SYT6: variants seen among roughly 807,000 people sequenced by gnomAD.
SYT6 encodes the protein synaptotagmin-6.
In SYT6, 24 loss-of-function variants were observed where a neutral mutation model predicts 38.4. That is an observed-to-expected ratio of 0.62 (90% confidence interval 0.45 to 0.88). The LOEUF (loss-of-function observed/expected upper bound fraction) is 0.88, where lower values mean the gene tolerates loss of function less well. SYT6 is among the 40% of genes least tolerant of loss of function. The pLI, the probability that SYT6 is intolerant of heterozygous loss-of-function variation, is 0.00. For missense variants in SYT6, 611 were observed against 621.0 expected (o/e 0.98, Z 0.17); for synonymous variants, 265 against 241.9 (o/e 1.10, Z -0.89).
chr1:114,133,246 C>A (rs917980450), intron 3 of SYT6, among the ~76,000 whole-genome samples: 1 of 152,128 alleles, frequency 6.6e-6, no homozygotes, highest in Non-Finnish European at 1.5e-5. Flanking sequence ...AGGAAGATGG[C>A]CGAATCCATT....
chr1:114,138,538 C>T (rs1034648988), intron 2 of SYT6, among the ~76,000 whole-genome samples: 2 of 152,122 alleles, frequency 1.3e-5, no homozygotes, highest in Non-Finnish European at 2.9e-5. Context: ...TTGGAGTTAG[C>T]CTGCATAGGT....
At chr1:114,109,241 T>C (rs1445219202) in intron 3 of SYT6, among the ~76,000 whole-genome samples, 1 of 152,196 alleles carries the variant, frequency 6.6e-6, no homozygotes, top group Non-Finnish European at 1.5e-5. Context: ...GGGGACTACA[T>C]GATGAATGCC....
At chr1:114,144,804 G>A (rs1679072473) in intron 1 of SYT6, among the ~76,000 whole-genome samples, 1 of 152,098 alleles carries the variant, frequency 6.6e-6, no homozygotes, top group Admixed American at 6.5e-5. Context: ...GAGGATATCA[G>A]CCACTCTCTC....
intron 1 of SYT6, among the ~76,000 whole-genome samples, chr1:114,143,021 C>T (rs1678945957): frequency 6.6e-6 from 1 of 151,666 alleles, no homozygotes; most frequent in Non-Finnish European, 1.5e-5. Context: ...TCTGATGGAT[C>T]TGGGCAAAGT....
intron 1 of SYT6, among the ~76,000 whole-genome samples, chr1:114,144,950 T>C (rs575190042): frequency 1.3e-5 from 2 of 152,052 alleles, no homozygotes; most frequent in East Asian, 3.9e-4. Flanking sequence ...TTCCCAAGCC[T>C]TCCCAACACC....
intron 1 of SYT6, among the ~76,000 whole-genome samples, chr1:114,145,508 T>C (rs1327000930): frequency 2.6e-5 from 3 of 114,328 alleles, no homozygotes; most frequent in African/African-American, 1.3e-4. Flanking sequence ...TTAAGTTTTT[T>C]TTTTTTTTTT....
chr1:114,139,711 G>A lies in SYT6; in HGVS notation c.416C>T (p.Pro139Leu). The A allele has an allele frequency of 6.2e-7, 1 of 1,614,178 alleles. No homozygotes were observed. The highest frequency in any genetic ancestry group is 8.5e-7 in the Non-Finnish European group (1 of 1,180,034). ...CATCTGCACCTCAGCTGGGATATCT[G>A]GGGACGTGTGGCTGATCTTCACGGC... is the stretch of plus-strand genomic sequence containing the variant. Reference protein sequence around the residue: ...EAAVKISHTSPDIPAEVQMSV... With the variant: ...EAAVKISHTSLDIPAEVQMSV... Residue 139 changes from proline to leucine, a missense_variant, in exon 2 of 8, where the codon CCA becomes CTA. By Grantham distance (98) the Pro-to-Leu change is moderately conservative. Transcript: ENST00000610222.
At chr1:114,101,270 C>A (rs9659029) in intron 4 of SYT6, among the ~76,000 whole-genome samples, 46,804 of 151,950 alleles carry the variant, frequency 0.31, 7,369 homozygotes, top group East Asian at 0.4. Context: ...GCCAAGCAGA[C>A]AGATGACCGT....
chr1:114,110,505 G>A (rs1040379321), intron 3 of SYT6, among the ~76,000 whole-genome samples: 5 of 152,112 alleles, frequency 3.3e-5, no homozygotes, highest in African/African-American at 9.7e-5. Context: ...GGGTCTGGCT[G>A]GGGGAAGCGG....
At chr1:114,107,927 G>A (rs1184748544) in intron 3 of SYT6, among the ~76,000 whole-genome samples, 1 of 152,236 alleles carries the variant, frequency 6.6e-6, no homozygotes, top group Non-Finnish European at 1.5e-5. Flanking sequence ...GCTGTCAGGA[G>A]AGGCTGCCTT....
intron 1 of SYT6, among the ~76,000 whole-genome samples, chr1:114,146,200 G>A (rs1679148058): frequency 1.3e-5 from 2 of 152,216 alleles, no homozygotes. Flanking sequence ...CAAGGTTGGT[G>A]AGCAAGGCTA....
chr1:114,097,490 G>A (rs903010999), intron 6 of SYT6, among the ~76,000 whole-genome samples: 2 of 152,202 alleles, frequency 1.3e-5, no homozygotes, highest in African/African-American at 4.8e-5. Flanking sequence ...CACAGTTCTT[G>A]CTTTCCATTA....
intron 3 of SYT6, among the ~76,000 whole-genome samples, chr1:114,111,733 A>AATAATATCTT (rs1676691245): frequency 6.6e-6 from 1 of 150,898 alleles, no homozygotes; most frequent in South Asian, 2.1e-4. Flanking sequence ...TTCCGAGAGG[A>AATAATATCTT]ACCCGGCAGG....
intron 1 of SYT6, among the ~76,000 whole-genome samples, chr1:114,141,514 A>G (rs1278282400): frequency 6.6e-6 from 1 of 152,264 alleles, no homozygotes; most frequent in Non-Finnish European, 1.5e-5. Context: ...GTTTAAGGAA[A>G]GAAGTCCTCT....
intron 3 of SYT6, among the ~76,000 whole-genome samples, chr1:114,122,504 T>TGCGC (rs200244044): frequency 0.038 from 4,367 of 114,498 alleles, 75 homozygotes; most frequent in African/African-American, 0.064. Context: ...TGTGTGTGTG[T>TGCGC]GTGCGCGCAC....
chr1:114,145,653 G>T (rs767850214), intron 1 of SYT6, among the ~76,000 whole-genome samples: 23 of 152,152 alleles, frequency 1.5e-4, no homozygotes, highest in Middle Eastern at 3.4e-3. Context: ...GCCATCTCTA[G>T]CCCTTCACAT....
chr1:114,107,642 CA>C (rs1676406737), intron 3 of SYT6, among the ~76,000 whole-genome samples: 1 of 151,866 alleles, frequency 6.6e-6, no homozygotes, highest in African/African-American at 2.4e-5. Flanking sequence ...GGAAATTAAA[CA>C]GGTTAATTTT....
chr1:114,151,940 C>T (rs1287562462), intron 1 of SYT6, among the ~76,000 whole-genome samples: 1 of 152,156 alleles, frequency 6.6e-6, no homozygotes, highest in Non-Finnish European at 1.5e-5. Flanking sequence ...TATGTCTAAC[C>T]TCAGTCCCTT....
At chr1:114,144,484 C>T (rs1340351486) in intron 1 of SYT6, among the ~76,000 whole-genome samples, 2 of 152,228 alleles carry the variant, frequency 1.3e-5, no homozygotes, top group African/African-American at 4.8e-5. Context: ...ACTCTTTCCT[C>T]TGCCCTGACC....
Sources: allele counts gnomAD v4.1 joint callset (sites outside exome capture counted in the v4.1 genomes callset), GRCh38; gene constraint gnomAD v4.1.1; transcripts MANE v1.5; gene names NCBI Gene and HGNC (gene_info 2026-07-23, HGNC 2026-07-21).